Variants in SHISA9 observed in about 807,000 individuals in gnomAD.
The protein encoded by SHISA9 is protein shisa-9.
In SHISA9, 13 loss-of-function variants were observed where a neutral mutation model predicts 38.0. The observed-to-expected ratio is 0.34, with a 90% CI of 0.22 to 0.54. The LOEUF is 0.54. SHISA9 is among the 20% of genes least tolerant of loss of function. SHISA9 has a pLI of 0.91. For missense variants in SHISA9, 538 were observed against 575.8 expected, an observed-to-expected ratio of 0.93 and a Z score of 0.67; for synonymous variants, 275 against 242.0, an observed-to-expected ratio of 1.14 and a Z score of -1.27.
chr16:13,467,703 G>A, the SHISA9 span, among the ~76,000 whole-genome samples: 1 of 152,156 alleles, frequency 6.6e-6, no homozygotes, highest in Non-Finnish European at 1.5e-5. Context: ...CTCCAGAATT[G>A]CCTGTTGGAT....
intron 2 of SHISA9, among the ~76,000 whole-genome samples, chr16:12,976,846 G>A (rs2072169291): frequency 6.6e-6 from 1 of 152,178 alleles, no homozygotes; most frequent in South Asian, 2.1e-4. Context: ...CATGGTGGAA[G>A]AGGGAAGAAA....
intron 2 of SHISA9, among the ~76,000 whole-genome samples, chr16:12,930,400 T>C (rs1305726993): frequency 6.6e-6 from 1 of 152,236 alleles, no homozygotes; most frequent in Non-Finnish European, 1.5e-5. Flanking sequence ...AGCTCATGAA[T>C]ACATATTCCA....
At chr16:13,029,598 A>C (rs1388781943) in intron 2 of SHISA9, among the ~76,000 whole-genome samples, 2 of 152,158 alleles carry the variant, frequency 1.3e-5, no homozygotes, top group South Asian at 4.1e-4. Flanking sequence ...ACAGAATGAG[A>C]CCCTGTCTAA....
chr16:13,210,151 A>T (rs540025264), intron 3 of SHISA9, among the ~76,000 whole-genome samples: 1 of 152,326 alleles, frequency 6.6e-6, no homozygotes, highest in Admixed American at 6.5e-5. Context: ...GAGAGGGATG[A>T]TTGGTACTTC....
chr16:13,278,602 T>C, the SHISA9 span, among the ~76,000 whole-genome samples: 1 of 152,096 alleles, frequency 6.6e-6, no homozygotes, highest in South Asian at 2.1e-4. Flanking sequence ...TGTTTGTTAT[T>C]GGTCTGTTCA....
chr16:13,497,305 G>A, the SHISA9 span, among the ~76,000 whole-genome samples: 1 of 152,062 alleles, frequency 6.6e-6, no homozygotes, highest in Non-Finnish European at 1.5e-5. Flanking sequence ...TTTACAATGT[G>A]GAATGATTAA....
rs1392438629 is a variant in SHISA9, at chr16:13,181,265, TTTTATATATATATATA to T, written c.692-22127_692-22112del. Among the ~76,000 whole-genome samples the T allele has an allele frequency of 6.5e-5, 6 of 91,614 alleles. 1 individual carries two copies. Among genetic ancestry groups the T allele is most frequent in the African/African-American group, 2.5e-4 (6 of 23,810 alleles). The allele number at this position is 91,614 out of a possible 152,430, so 60.1% of individuals were successfully genotyped here. On this transcript the variant is annotated intron_variant, in intron 2 of 4. Transcript: ENST00000558583. ...CAAGAAAGTCTTTCCTAAAATAAAA[TTTTATATATATATATA>T]TATATATATATATATATATATATAT...
chr16:13,206,866 T>C (rs1398966566), intron 3 of SHISA9, among the ~76,000 whole-genome samples: 1 of 152,236 alleles, frequency 6.6e-6, no homozygotes, highest in South Asian at 2.1e-4. Context: ...ATACTCAGTG[T>C]TACTAGGAAG....
intron 1 of SHISA9, chr16:12,911,484 G>C: frequency 3.4e-5 from 24 of 716,312 alleles, no homozygotes; most frequent in Non-Finnish European, 4.1e-5. Context: ...TGAAGCATAC[G>C]TAAGGACAGA....
chr16:13,362,762 C>CT, the SHISA9 span, among the ~76,000 whole-genome samples: 1 of 152,162 alleles, frequency 6.6e-6, no homozygotes. Flanking sequence ...TATTTCTTCT[C>CT]TCCCAACTCC....
intron 2 of SHISA9, among the ~76,000 whole-genome samples, chr16:13,004,962 A>AGAAAGGAAAGAAAAG: frequency 7.8e-6 from 1 of 127,636 alleles, no homozygotes; most frequent in Non-Finnish European, 1.6e-5. Flanking sequence ...AAAAAAAGAA[A>AGAAAGGAAAGAAAAG]AAAAGAAAGA....
intron 2 of SHISA9, among the ~76,000 whole-genome samples, chr16:13,113,820 A>G (rs2074003213): frequency 1.3e-5 from 2 of 152,330 alleles, no homozygotes; most frequent in Admixed American, 6.5e-5. Flanking sequence ...CTCAGGGACA[A>G]AAAGGGTTTT....
the SHISA9 span, among the ~76,000 whole-genome samples, chr16:13,432,981 A>G: frequency 6.6e-6 from 1 of 152,152 alleles, no homozygotes; most frequent in Non-Finnish European, 1.5e-5. Flanking sequence ...CTTAATGCTT[A>G]GGTGATGAAA....
Position 13,210,449 on chromosome 16 carries a change from T to TA in SHISA9, c.848-2795dup, listed in dbSNP as rs140200604. Among the ~76,000 whole-genome samples, 10 of 151,918 alleles carry TA rather than the reference T, an allele frequency of 6.6e-5. No individual in the cohort carries two copies. The South Asian group carries it at 1.3e-3, about 19-fold the overall frequency. ...TTCTAATTCAAAATTTTAATTTTAT[T>TA]AAAAAAAAATTGTCTGTGTTGCTAT... On this transcript the variant is annotated intron_variant, in intron 3 of 4. Transcript: ENST00000558583.
At chr16:13,409,334 G>A in the SHISA9 span, among the ~76,000 whole-genome samples, 1 of 152,204 alleles carries the variant, frequency 6.6e-6, no homozygotes, top group Non-Finnish European at 1.5e-5. Flanking sequence ...CACTGGACAA[G>A]AGCTTGGGGT....
intron 2 of SHISA9, among the ~76,000 whole-genome samples, chr16:12,923,615 T>C (rs927190469): frequency 1.3e-5 from 2 of 152,092 alleles, no homozygotes; most frequent in African/African-American, 4.8e-5. Context: ...ACCAAATACA[T>C]GGGAGTTCAT....
the SHISA9 span, among the ~76,000 whole-genome samples, chr16:13,316,969 T>C: frequency 3.9e-5 from 6 of 152,206 alleles, no homozygotes; most frequent in African/African-American, 1.4e-4. Flanking sequence ...GGAAGCCTGG[T>C]GGTATCTTCG....
At chr16:13,036,887 A>G (rs927617376) in intron 2 of SHISA9, among the ~76,000 whole-genome samples, 5 of 152,118 alleles carry the variant, frequency 3.3e-5, no homozygotes, top group Non-Finnish European at 5.9e-5. Context: ...CCCTTTAATA[A>G]ATGCCTACTA....
At chr16:13,233,565 G>A (rs2051352561) in intron 4 of SHISA9, among the ~76,000 whole-genome samples, 2 of 152,180 alleles carry the variant, frequency 1.3e-5, no homozygotes, top group Admixed American at 1.3e-4. Context: ...GTTTCAACCA[G>A]CACTCAATTC....
Sources: allele counts gnomAD v4.1 joint callset (sites outside exome capture counted in the v4.1 genomes callset), GRCh38; gene constraint gnomAD v4.1.1; transcripts MANE v1.5; gene names NCBI Gene and HGNC (gene_info 2026-07-23, HGNC 2026-07-21).